ANK2: variants seen among roughly 807,000 people sequenced by gnomAD.
ANK2 encodes ankyrin-2.
In ANK2, 83 loss-of-function variants were observed where a neutral mutation model predicts 360.5. That is an observed-to-expected ratio of 0.23 (90% CI 0.19 to 0.28). The LOEUF is 0.28. ANK2 is among the 10% of genes least tolerant of loss of function. The pLI is 1.00. For synonymous variants in ANK2, 1,740 were observed against 1,759.5 expected, an observed-to-expected ratio of 0.99 and a Z score of 0.28; for missense variants, 4,201 against 4,795.7, an observed-to-expected ratio of 0.88 and a Z score of 3.66.
At position 113,277,942 on chromosome 4, in the gene ANK2, A is replaced by T. The variant is rs1563362179; in HGVS notation, c.1782+7A>T. 6 of 1,608,892 alleles carry T rather than the reference A, an allele frequency of 3.7e-6. No individual in the cohort carries two copies. The highest frequency in any genetic ancestry group is 4.3e-6 in the Non-Finnish European group (5 of 1,175,396). On this transcript the variant is annotated splice_region_variant and intron_variant, in intron 16 of 45. Transcript: ENST00000357077. The stretch of plus-strand genomic sequence containing the variant: ...CGCAGATTCTGCAGGGAAGGTAAAG[A>T]TTTTCTATACGTTATAATTATGTAA...
intron 1 of ANK2, among the ~76,000 whole-genome samples, chr4:112,863,443 A>T (rs1364018498): frequency 2.0e-5 from 3 of 152,092 alleles, no homozygotes; most frequent in East Asian, 1.9e-4. Context: ...AGCATTATTT[A>T]AAAAATTACA....
chr4:112,890,529 C>A (rs2150639156), intron 1 of ANK2, among the ~76,000 whole-genome samples: 1 of 142,492 alleles, frequency 7.0e-6, no homozygotes, highest in South Asian at 2.2e-4. Flanking sequence ...AAGTTTGTAG[C>A]AGGAATTTAT....
At chr4:112,763,451 C>T in the ANK2 span, among the ~76,000 whole-genome samples, 17 of 151,846 alleles carry the variant, frequency 1.1e-4, no homozygotes, top group African/African-American at 4.1e-4. Context: ...CCAGGATGGT[C>T]TCGATCTCCT....
intron 9 of ANK2, among the ~76,000 whole-genome samples, chr4:113,247,304 A>T (rs1045478641): frequency 1.2e-4 from 19 of 152,216 alleles, no homozygotes; most frequent in African/African-American, 4.6e-4. Context: ...TGGGGCATTA[A>T]CTTTATAATG....
intron 39 of ANK2, among the ~76,000 whole-genome samples, chr4:113,363,099 T>C (rs1054355128): frequency 6.6e-6 from 1 of 152,184 alleles, no homozygotes; most frequent in African/African-American, 2.4e-5. Flanking sequence ...CATTGCTGCC[T>C]CACACTTACT....
At chr4:113,000,260 T>A (rs929905273) in intron 2 of ANK2, among the ~76,000 whole-genome samples, 12 of 152,252 alleles carry the variant, frequency 7.9e-5, no homozygotes, top group Admixed American at 3.3e-4. Context: ...CAGCTGTCTG[T>A]CTCTGGTGAT....
chr4:113,081,256 T>C (rs927408021), intron 1 of ANK2, among the ~76,000 whole-genome samples: 2 of 152,212 alleles, frequency 1.3e-5, no homozygotes, highest in South Asian at 2.1e-4. Context: ...GTATTAATTG[T>C]GCATAGGGAA....
At chr4:113,363,316 A>G in intron 39 of ANK2, 22 bp from the exon 40 acceptor site, 1 of 1,611,104 alleles carries the variant, frequency 6.2e-7, no homozygotes, top group Non-Finnish European at 8.5e-7. Context: ...ATGTGTTTAC[A>G]AAGTAGTATT....
At chr4:112,975,265 A>G (rs2040984298) in intron 2 of ANK2, among the ~76,000 whole-genome samples, 1 of 152,190 alleles carries the variant, frequency 6.6e-6, no homozygotes, top group Admixed American at 6.5e-5. Context: ...CAGGAATCAT[A>G]ATTTTCCTAA....
chr4:113,298,737 A>G (rs999139566), intron 22 of ANK2, among the ~76,000 whole-genome samples: 1 of 152,186 alleles, frequency 6.6e-6, no homozygotes, highest in African/African-American at 2.4e-5. Flanking sequence ...AATCTTGACC[A>G]TAGTATCTTG....
At chr4:113,177,307 C>T (rs1249575888) in intron 2 of ANK2, among the ~76,000 whole-genome samples, 1 of 151,988 alleles carries the variant, frequency 6.6e-6, no homozygotes, top group African/African-American at 2.4e-5. Context: ...GTCTCGATCT[C>T]CTGACCTCGT....
At chr4:113,338,522 A>G (rs1422520535) in intron 31 of ANK2, among the ~76,000 whole-genome samples, 1 of 151,924 alleles carries the variant, frequency 6.6e-6, no homozygotes. Context: ...TTTAAGAACA[A>G]AAGAATATTT....
At chr4:113,350,173 G>T (rs553281580) in intron 36 of ANK2, 55 bp from the exon 37 acceptor site, 17 of 1,534,502 alleles carry the variant, frequency 1.1e-5, no homozygotes, top group Middle Eastern at 1.7e-4. Context: ...CACACCAGGG[G>T]CTATGAGCCA....
At chr4:113,064,631 C>T (rs984038774) in intron 1 of ANK2, among the ~76,000 whole-genome samples, 5 of 152,166 alleles carry the variant, frequency 3.3e-5, no homozygotes, top group South Asian at 2.1e-4. Flanking sequence ...AAAGTCCAAA[C>T]GATTGTGCAA....
chr4:112,917,003 G>A (rs2151104949), intron 2 of ANK2, among the ~76,000 whole-genome samples: 1 of 152,296 alleles, frequency 6.6e-6, no homozygotes, highest in East Asian at 1.9e-4. Context: ...GAGAGGCATG[G>A]CTTGAATAAA....
At chr4:113,173,069 G>T (rs1488827611) in intron 1 of ANK2, among the ~76,000 whole-genome samples, 4 of 152,234 alleles carry the variant, frequency 2.6e-5, no homozygotes, top group African/African-American at 9.6e-5. Context: ...AAGAATCAGG[G>T]CATGAATTCT....
intron 2 of ANK2, among the ~76,000 whole-genome samples, chr4:113,020,731 C>T (rs1222398364): frequency 6.7e-6 from 1 of 149,408 alleles, no homozygotes; most frequent in African/African-American, 2.5e-5. Flanking sequence ...GAGACTGAGG[C>T]AGGAGAATTA....
At chr4:113,370,556 G>A (rs971699269) in intron 43 of ANK2, among the ~76,000 whole-genome samples, 1 of 151,980 alleles carries the variant, frequency 6.6e-6, no homozygotes, top group Non-Finnish European at 1.5e-5. Flanking sequence ...TCAGGAGATC[G>A]AGACCATCCT....
chr4:113,057,237 T>C (rs1317841812), intron 1 of ANK2, among the ~76,000 whole-genome samples: 2 of 152,164 alleles, frequency 1.3e-5, no homozygotes, highest in Non-Finnish European at 2.9e-5. Context: ...AATATAAATA[T>C]GTTGTGCAAT....
Sources: allele counts gnomAD v4.1 joint callset (sites outside exome capture counted in the v4.1 genomes callset), GRCh38; gene constraint gnomAD v4.1.1; transcripts MANE v1.5; gene names NCBI Gene and HGNC (gene_info 2026-07-23, HGNC 2026-07-21).